The following ZNF438 variants were observed in gnomAD, a reference collection of about 807,000 sequenced individuals.
ZNF438 encodes the protein zinc finger protein 438.
In ZNF438, 25 loss-of-function variants were observed where a neutral mutation model predicts 38.0. The ratio of observed to expected loss-of-function variants is 0.66; its 90% CI spans 0.48 to 0.92. ZNF438 has a LOEUF of 0.92. Ranked by LOEUF, ZNF438 falls within the 40% of genes least tolerant of loss-of-function variation. ZNF438 has a pLI of 0.00. For missense variants in ZNF438, 1,007 were observed against 999.6 expected (o/e 1.01, Z -0.10); for synonymous variants, 372 against 364.1 (o/e 1.02, Z -0.25).
intron 3 of ZNF438, among the ~76,000 whole-genome samples, chr10:30,880,051 GT>G (rs1357631966): frequency 2.0e-5 from 3 of 151,912 alleles, no homozygotes; most frequent in Non-Finnish European, 2.9e-5. Flanking sequence ...AAAAAAAAAA[GT>G]TTTTAAAGCA....
intron 1 of ZNF438, among the ~76,000 whole-genome samples, chr10:31,010,387 T>C (rs770360408): frequency 6.6e-6 from 1 of 152,294 alleles, no homozygotes; most frequent in Middle Eastern, 3.4e-3. Flanking sequence ...TCTAACCTTT[T>C]CCATCAAAGT....
At chr10:30,923,914 G>A (rs1234845211) in intron 2 of ZNF438, among the ~76,000 whole-genome samples, 2 of 152,114 alleles carry the variant, frequency 1.3e-5, no homozygotes, top group East Asian at 3.8e-4. Context: ...TTGATTCTAT[G>A]TGTAATAAGA....
At chr10:30,904,572 A>G (rs2042385761) in intron 3 of ZNF438, among the ~76,000 whole-genome samples, 1 of 152,142 alleles carries the variant, frequency 6.6e-6, no homozygotes, top group Non-Finnish European at 1.5e-5. Flanking sequence ...ACAAATTAGA[A>G]TGTGTCACCC....
intron 1 of ZNF438, among the ~76,000 whole-genome samples, chr10:30,967,161 G>A (rs553427918): frequency 3.3e-5 from 5 of 152,242 alleles, no homozygotes; most frequent in South Asian, 2.1e-4. Context: ...GCTCCATGGC[G>A]TAATATTTTC....
chr10:31,015,154 T>C (rs1034960622), intron 1 of ZNF438, among the ~76,000 whole-genome samples: 5 of 152,188 alleles, frequency 3.3e-5, no homozygotes, highest in African/African-American at 1.2e-4. Flanking sequence ...AGGCGTGAGC[T>C]ACCATACCCA....
At chr10:30,846,110 C>T (rs1249518275) in intron 5 of ZNF438, among the ~76,000 whole-genome samples, 1 of 152,232 alleles carries the variant, frequency 6.6e-6, no homozygotes, top group African/African-American at 2.4e-5. Flanking sequence ...CCTTTAAGAC[C>T]TCTGTGCCTT....
intron 3 of ZNF438, among the ~76,000 whole-genome samples, chr10:30,895,659 C>T (rs767148831): frequency 6.6e-6 from 1 of 152,128 alleles, no homozygotes; most frequent in African/African-American, 2.4e-5. Flanking sequence ...TATGACTCAA[C>T]AAAACCCAAA....
At chr10:30,932,557 G>A (rs2045812051) in intron 2 of ZNF438, among the ~76,000 whole-genome samples, 1 of 152,156 alleles carries the variant, frequency 6.6e-6, no homozygotes, top group South Asian at 2.1e-4. Flanking sequence ...TGGGTAATCA[G>A]CTTACCCAAG....
At chr10:30,950,476 G>C (rs2048035826) in intron 1 of ZNF438, among the ~76,000 whole-genome samples, 1 of 150,404 alleles carries the variant, frequency 6.6e-6, no homozygotes, top group African/African-American at 2.5e-5. Context: ...TTTTTGAAAG[G>C]ATCAACAAAA....
chr10:30,927,263 C>T (rs2045060806), intron 2 of ZNF438, among the ~76,000 whole-genome samples: 3 of 151,240 alleles, frequency 2.0e-5, no homozygotes, highest in African/African-American at 7.4e-5. Flanking sequence ...TACCTATAAG[C>T]CTTTGACTGT....
At chr10:31,015,788 A>C (rs944849057) in intron 1 of ZNF438, among the ~76,000 whole-genome samples, 4 of 152,246 alleles carry the variant, frequency 2.6e-5, no homozygotes, top group African/African-American at 9.6e-5. Context: ...GTCTAAGATC[A>C]TGGCGCTGGC....
chr10:31,006,223 T>G (rs150192916), intron 1 of ZNF438, among the ~76,000 whole-genome samples: 1 of 152,154 alleles, frequency 6.6e-6, no homozygotes, highest in Non-Finnish European at 1.5e-5. Flanking sequence ...GGCTGGACAC[T>G]AGAAAGACCA....
In ZNF438 at chr10:30,986,805, T is replaced by G. The variant is rs192913581; in HGVS notation, c.-192+45028A>C. 1.6e-3 allele frequency among the ~76,000 whole-genome samples: 243 copies of G among 152,304 alleles called. 5 individuals are homozygous for G. The highest frequency in any genetic ancestry group is 1.5e-4 in the Non-Finnish European group (10 of 68,022). On this transcript the variant is annotated intron_variant, in intron 1 of 5. Coordinates refer to ENST00000413025, the Ensembl canonical transcript of ZNF438. ...CAAAAAGTTTAGGATTTTAGAGCAT[T>G]TCTGATTTTAGATCAGAGATGCTCA...
At chr10:30,855,370 T>G (rs4747734) in intron 4 of ZNF438, among the ~76,000 whole-genome samples, 58,231 of 152,032 alleles carry the variant, frequency 0.38, 11,451 homozygotes, top group Admixed American at 0.41. Context: ...GGGTTGAAAG[T>G]CTTATCAGGT....
At position 31,022,021 on chromosome 10, in the gene ZNF438, A is replaced by T. The variant is rs181584747; in HGVS notation, c.-192+9812T>A. ...TGGGTGCCTCAGGACCTGAAGGAAAATTTTTTAAAATTGTCATTTTGAAGT... is the reference window on the plus strand; with the variant it reads ...TGGGTGCCTCAGGACCTGAAGGAAATTTTTTTAAAATTGTCATTTTGAAGT... On this transcript the variant is annotated intron_variant, in intron 1 of 5. Transcript: ENST00000413025. 5.6e-3 allele frequency among the ~76,000 whole-genome samples: 855 copies of T among 152,248 alleles called. 12 individuals are homozygous for T. Among genetic ancestry groups the T allele is most frequent in the African/African-American group, 0.02 (820 of 41,552 alleles).
At chr10:30,994,723 A>G (rs774904625) in intron 1 of ZNF438, among the ~76,000 whole-genome samples, 1 of 152,194 alleles carries the variant, frequency 6.6e-6, no homozygotes, top group Non-Finnish European at 1.5e-5. Context: ...AAAAAGAGGC[A>G]GAAATAATAC....
intron 1 of ZNF438, among the ~76,000 whole-genome samples, chr10:30,965,458 C>T (rs142419274): frequency 6.6e-6 from 1 of 152,106 alleles, no homozygotes; most frequent in East Asian, 1.9e-4. Context: ...GTTCTACAAA[C>T]AAGACACATG....
At chr10:30,879,795 A>G (rs1053139212) in intron 3 of ZNF438, among the ~76,000 whole-genome samples, 4 of 152,210 alleles carry the variant, frequency 2.6e-5, no homozygotes, top group Non-Finnish European at 5.9e-5. Context: ...TTAAAAAAAC[A>G]AAAAACAAAA....
chr10:30,967,567 T>G (rs116358649), intron 1 of ZNF438, among the ~76,000 whole-genome samples: 1 of 152,126 alleles, frequency 6.6e-6, no homozygotes, highest in Non-Finnish European at 1.5e-5. Flanking sequence ...TACGAATGAA[T>G]AGATTCAAAA....
Sources: gnomAD v4.1 joint callset for allele counts (sites outside exome capture counted in the v4.1 genomes callset) on GRCh38, gnomAD v4.1.1 for gene constraint, MANE v1.5 for transcripts, NCBI Gene and HGNC (gene_info 2026-07-23, HGNC 2026-07-21) for gene names.